The following VCAM1 variants were observed in gnomAD, a reference collection of about 807,000 sequenced individuals.
The protein encoded by VCAM1 is vascular cell adhesion molecule 1, also known as vascular cell adhesion protein 1.
VCAM1 carries 41 observed loss-of-function variants against 63.8 expected under a neutral mutation model. The ratio of observed to expected loss-of-function variants is 0.64; its 90% CI spans 0.50 to 0.83. VCAM1 has a LOEUF of 0.83. VCAM1 is among the 40% of genes least tolerant of loss of function. The pLI is 0.00. For synonymous variants in VCAM1, 338 were observed against 320.7 expected, an observed-to-expected ratio of 1.05 and a Z score of -0.58; for missense variants, 798 against 875.5, an observed-to-expected ratio of 0.91 and a Z score of 1.12.
In VCAM1 at chr1:100,732,574, A is replaced by G. The variant is rs1032916187; in HGVS notation, c.1682A>G (p.Asn561Ser). 3.7e-6 allele frequency: 6 copies of G among 1,613,352 alleles called. No homozygotes were observed. Among genetic ancestry groups the G allele is most frequent in the African/African-American group, 2.7e-5 (2 of 74,878 alleles). Residue 561 changes from asparagine to serine, a missense_variant, in exon 7 of 9, where the codon AAT becomes AGT. Transcript: ENST00000294728. The part of the protein sequence containing the change: ...PNGELQPLSE[N>S]ATLTLISTKM... ...GGGGAGCTACAGCCTCTTTCTGAGA[A>G]TGCAACTCTCACCTTAATTTCTACA...
At position 100,732,575 on chromosome 1, in the gene VCAM1, T is replaced by A. The variant is rs1660501453; in HGVS notation, c.1683T>A (p.Asn561Lys). ...GGGAGCTACAGCCTCTTTCTGAGAA[T>A]GCAACTCTCACCTTAATTTCTACAA... Reference protein sequence around the residue: ...PNGELQPLSENATLTLISTKM... With the variant: ...PNGELQPLSEKATLTLISTKM... Residue 561 changes from asparagine to lysine, a missense_variant, in exon 7 of 9, where the codon AAT (asparagine) becomes AAA (lysine). Coordinates refer to ENST00000294728, the MANE Select transcript of VCAM1 (RefSeq NM_001078.4). The A allele has an allele frequency of 6.2e-7, 1 of 1,613,360 alleles. No homozygotes were observed. Among genetic ancestry groups the A allele is most frequent in the Non-Finnish European group, 8.5e-7 (1 of 1,179,766 alleles).
At position 100,731,272 on chromosome 1, in the gene VCAM1, G is replaced by A. The variant is rs758450068; in HGVS notation, c.1279G>A (p.Val427Ile). The A allele has an allele frequency of 2.5e-6, 4 of 1,613,822 alleles. No homozygotes were observed. The highest frequency in any genetic ancestry group is 2.5e-6 in the Non-Finnish European group (3 of 1,179,850). ...GAGCTCTGTCACTGTAAGCTGCAAGGTTCCTAGCGTGTACCCCCTTGACCG... is the reference window on the plus strand; with the variant it reads ...GAGCTCTGTCACTGTAAGCTGCAAGATTCCTAGCGTGTACCCCCTTGACCG... Reference protein sequence around the residue: ...NGSSVTVSCKVPSVYPLDRLE... With the variant: ...NGSSVTVSCKIPSVYPLDRLE... The change falls in exon 6 of 9, where the codon GTT becomes ATT. Residue 427 changes from valine (V) to isoleucine (I), a missense_variant. Transcript: ENST00000294728. This position sits in a 1 kb window ranked among gnomAD's most constrained non-coding sequence, Gnocchi z 4.2.
chr1:100,724,174 T>TGGCCAA (rs1167038327), intron 3 of VCAM1, among the ~76,000 whole-genome samples: 1 of 152,094 alleles, frequency 6.6e-6, no homozygotes, highest in Non-Finnish European at 1.5e-5. Flanking sequence ...GGCTGAATTA[T>TGGCCAA]GGCCAATATG....
rs752260230 is a variant in VCAM1 at position 100,720,638 on chromosome 1, C to A, written c.227C>A (p.Thr76Asn). The change falls in exon 2 of 9, where the codon ACC becomes AAC. Residue 76 changes from threonine to asparagine, a missense_variant. Coordinates refer to ENST00000294728, the MANE Select transcript of VCAM1 (RefSeq NM_001078.4). ...PLNGKVTNEGTTSTLTMNPVS... is the reference protein window; with the variant it reads ...PLNGKVTNEGNTSTLTMNPVS... ...AATGGGAAGGTGACGAATGAGGGGA[C>A]CACATCTACGCTGACAATGAATCCT... The A allele has an allele frequency of 6.2e-7, 1 of 1,613,126 alleles. No homozygotes were observed.
chr1:100,732,699 A>T lies in VCAM1; in HGVS notation c.1792+15A>T. 2 of 1,554,386 alleles carry T rather than the reference A, an allele frequency of 1.3e-6. No homozygotes were observed. Among genetic ancestry groups the T allele is most frequent in the South Asian group, 1.2e-5 (1 of 80,046 alleles). The stretch of plus-strand genomic sequence containing the variant: ...AATTATCCAAGGTGAGCAGAGTGTG[A>T]GTAATGAGTTATCCTTGCTAGTAAT... On this transcript the variant is annotated intron_variant, in intron 7 of 8. Coordinates refer to ENST00000294728, the MANE Select transcript of VCAM1 (RefSeq NM_001078.4).
rs187287233 is a variant in VCAM1, at chr1:100,727,289, C to T, written c.929-1818C>T. Among the ~76,000 whole-genome samples, 58 of 151,714 alleles carry T rather than the reference C, an allele frequency of 3.8e-4. 1 individual carries two copies. The highest frequency in any genetic ancestry group is 9.8e-4 in the Admixed American group (15 of 15,232). ...GCCTGAGTAGCTGGGATTATAGGCA[C>T]GTGCCACTACACCCAGCTCAACACA... On this transcript the variant is annotated intron_variant, in intron 4 of 8. Coordinates refer to ENST00000294728, the MANE Select transcript of VCAM1 (RefSeq NM_001078.4).
intron 4 of VCAM1, among the ~76,000 whole-genome samples, chr1:100,728,830 A>G (rs1029121483): frequency 6.6e-6 from 1 of 151,858 alleles, no homozygotes; most frequent in African/African-American, 2.4e-5. Context: ...ACATTTGAGC[A>G]GATACTCTAT....
At chr1:100,726,820 G>A (rs748840143) in intron 4 of VCAM1, among the ~76,000 whole-genome samples, 12 of 151,992 alleles carry the variant, frequency 7.9e-5, no homozygotes, top group Non-Finnish European at 1.2e-4. Context: ...ATATTCCTTA[G>A]TAAGAGCCAA....
intron 4 of VCAM1, 103 bp from the exon 5 acceptor site, chr1:100,729,004 A>T: frequency 7.7e-7 from 1 of 1,304,040 alleles, no homozygotes; most frequent in Non-Finnish European, 1.0e-6. Context: ...CATGGATATT[A>T]GCTGAAAGGA....
Position 100,732,510 on chromosome 1 carries a change from C to T in VCAM1, c.1618C>T (p.Pro540Ser). ...TATGACATGCTTGAGCCAGGGCTTT[C>T]CTGCTCCGAAAATCCTGTGGAGCAG... ...VNMTCLSQGF[P>S]APKILWSRQL... Residue 540 changes from proline (P) to serine (S), a missense_variant, in exon 7 of 9, where the codon CCT becomes TCT. Transcript: ENST00000294728. The T allele has an allele frequency of 6.2e-7, 1 of 1,613,200 alleles. No homozygotes were observed. Among genetic ancestry groups the T allele is most frequent in the Non-Finnish European group, 8.5e-7 (1 of 1,179,652 alleles).
rs1216850509 is a variant in VCAM1 at position 100,719,878 on chromosome 1, C to T, written c.18C>T (p.Val6=). 26 of 1,611,912 alleles carry T rather than the reference C, an allele frequency of 1.6e-5. No homozygotes were observed. The highest frequency in any genetic ancestry group is 2.2e-5 in the Non-Finnish European group (26 of 1,178,506). Residue 6 remains valine (V), a synonymous_variant, in exon 1 of 9, where the codon GTC becomes GTT. Transcript: ENST00000294728. MPGKM[V]VILGASNILW... ...AACTTAAAATGCCTGGGAAGATGGT[C>T]GTGATCCTTGGAGCCTCAAATATAC...
chr1:100,733,562 G>T (rs963257731), intron 7 of VCAM1, among the ~76,000 whole-genome samples: 27 of 152,134 alleles, frequency 1.8e-4, no homozygotes, highest in Non-Finnish European at 3.4e-4. Context: ...GATGGGGAAA[G>T]AATTTCAAAT....
At chr1:100,723,595 C>T (rs1430245000) in intron 3 of VCAM1, among the ~76,000 whole-genome samples, 1 of 151,822 alleles carries the variant, frequency 6.6e-6, no homozygotes, top group Non-Finnish European at 1.5e-5. Context: ...TCTCTATTTC[C>T]CAGTGTATAA....
chr1:100,736,898 A>T (rs1205275063), intron 8 of VCAM1: 2 of 152,176 alleles, frequency 1.3e-5, no homozygotes, highest in East Asian at 3.8e-4. Context: ...CCAAAGTCAG[A>T]TCTCTAGTTT....
rs754644270 is a variant in VCAM1 at position 100,724,706 on chromosome 1, C to T, written c.744C>T (p.Ser248=). The T allele has an allele frequency of 6.6e-5, 107 of 1,612,974 alleles. No homozygotes were observed. In the Middle Eastern group the frequency reaches 8.3e-4, roughly 12 times the overall value. The change falls in exon 4 of 9, where the codon AGC becomes AGT. Residue 248 remains serine (S), a synonymous_variant. Transcript: ENST00000294728. The part of the protein sequence containing the change: ...EGGSVTMTCS[S]EGLPAPEIFW... ...GCTCTGTGACCATGACCTGTTCCAGCGAGGGTCTACCAGCTCCAGAGATTT... is the reference window on the plus strand; with the variant it reads ...GCTCTGTGACCATGACCTGTTCCAGTGAGGGTCTACCAGCTCCAGAGATTT...
In VCAM1 at chr1:100,731,350, T is replaced by C. The variant is rs548402014; in HGVS notation, c.1357T>C (p.Leu453=). The change falls in exon 6 of 9, where the codon TTG becomes CTG. Residue 453 remains leucine, a synonymous_variant. Coordinates refer to ENST00000294728, the MANE Select transcript of VCAM1 (RefSeq NM_001078.4). This position sits in a 1 kb window ranked among gnomAD's most constrained non-coding sequence, Gnocchi z 4.2. ...GACTATTCTGGAGAATATAGAGTTT[T>C]TGGAGGATACGGATATGAAATCTCT... ...GETILENIEF[L]EDTDMKSLEN... The C allele has an allele frequency of 5.8e-5, 94 of 1,613,690 alleles. No individual in the cohort carries two copies. The highest frequency in any genetic ancestry group is 7.8e-5 in the Non-Finnish European group (92 of 1,179,864).
chr1:100,731,062 ATTAC>A lies in VCAM1; in HGVS notation c.1205-132_1205-129del. The stretch of plus-strand genomic sequence containing the variant: ...AAATATGTCATTTATAAATACTGTC[ATTAC>A]TTATATATTGACAGTCATTCTATCC... On this transcript the variant is annotated intron_variant, in intron 5 of 8. Coordinates refer to ENST00000294728, the MANE Select transcript of VCAM1 (RefSeq NM_001078.4). The surrounding 1 kb of genome is among the most constrained non-coding windows in gnomAD (Gnocchi z 4.2). The A allele has an allele frequency of 1.4e-6, 1 of 717,234 alleles. No individual in the cohort carries two copies. The highest frequency in any genetic ancestry group is 2.2e-6 in the Non-Finnish European group (1 of 451,922). The allele number at this position is 717,234 out of a possible 1,614,324, so 44.4% of individuals were successfully genotyped here. A position where few individuals can be genotyped will look rare whatever the true frequency, so the allele number is the denominator to read the frequency against.
chr1:100,725,205 T>A (rs1660121428), intron 4 of VCAM1, among the ~76,000 whole-genome samples: 1 of 151,870 alleles, frequency 6.6e-6, no homozygotes, highest in Non-Finnish European at 1.5e-5. Flanking sequence ...TGGGTCCTCT[T>A]CTGTTCTCAC....
At chr1:100,734,884 T>A in intron 8 of VCAM1, 116 bp downstream of exon 8, 1 of 1,302,418 alleles carries the variant, frequency 7.7e-7, no homozygotes, top group Non-Finnish European at 1.0e-6. Context: ...GTTTATTTCT[T>A]AAGGATTCTT....
Sources: gnomAD v4.1 joint callset for allele counts (sites outside exome capture counted in the v4.1 genomes callset) on GRCh38, gnomAD v4.1.1 for gene constraint, Gnocchi (gnomAD v3.1) non-coding constraint, MANE v1.5 for transcripts, NCBI Gene and HGNC (gene_info 2026-07-23, HGNC 2026-07-21) for gene names.